Variants in CATSPERG observed in about 807,000 individuals in gnomAD.
CATSPERG encodes the protein cation channel sperm-associated auxiliary subunit gamma.
In CATSPERG, 115 loss-of-function variants were observed where a neutral mutation model predicts 145.0. That is an observed-to-expected ratio of 0.79 (90% CI 0.68 to 0.93). The LOEUF is 0.93. CATSPERG is among the 40% of genes least tolerant of loss of function. The pLI, the probability that CATSPERG is intolerant of heterozygous loss-of-function variation, is 0.00. For missense variants in CATSPERG, 1,296 were observed against 1,490.1 expected (o/e 0.87, Z 2.14); for synonymous variants, 588 against 589.0 (o/e 1.00, Z 0.02).
At chr19:38,356,927 C>T in intron 11 of CATSPERG, 66 bp downstream of exon 11, 2 of 1,587,256 alleles carry the variant, frequency 1.3e-6, no homozygotes, top group Non-Finnish European at 1.7e-6. Context: ...ACTGCATGCC[C>T]ATCCTGAGGG....
intron 7 of CATSPERG, among the ~76,000 whole-genome samples, chr19:38,351,345 A>T (rs1226929137): frequency 6.6e-6 from 1 of 152,176 alleles, no homozygotes; most frequent in African/African-American, 2.4e-5. Flanking sequence ...GCGGTGGCTT[A>T]CGCCTGTAAT....
intron 3 of CATSPERG, among the ~76,000 whole-genome samples, chr19:38,340,620 A>C (rs549369052): frequency 6.6e-6 from 1 of 150,500 alleles, no homozygotes; most frequent in East Asian, 2.0e-4. Flanking sequence ...GCGCCCGGCC[A>C]ATAATTTTAT....
intron 25 of CATSPERG, 87 bp downstream of exon 25, chr19:38,367,863 C>T: frequency 7.5e-7 from 1 of 1,324,734 alleles, no homozygotes; most frequent in Non-Finnish European, 1.1e-6. Context: ...CTCGCAAGCC[C>T]CCACCTCTGC....
intron 11 of CATSPERG, among the ~76,000 whole-genome samples, chr19:38,357,407 G>C (rs959046562): frequency 2.0e-5 from 3 of 149,296 alleles, no homozygotes; most frequent in African/African-American, 7.4e-5. Context: ...TGTAGTCCCA[G>C]CTACTTGGAA....
intron 25 of CATSPERG, 62 bp downstream of exon 25, chr19:38,367,838 C>G: frequency 6.8e-7 from 1 of 1,478,470 alleles, no homozygotes; most frequent in Non-Finnish European, 9.4e-7. Flanking sequence ...TTTCCCACTT[C>G]CAAGCCAAGC....
chr19:38,362,208 A>AGCCC lies in CATSPERG; in HGVS notation c.2096_2097insCGCC. The AGCCC allele has an allele frequency of 6.3e-7, 1 of 1,591,106 alleles. No individual in the cohort carries two copies. Among genetic ancestry groups the AGCCC allele is most frequent in the Non-Finnish European group, 8.6e-7 (1 of 1,168,808 alleles). Reference sequence around the variant, plus strand: ...CTTCACGGTGCCGGGCGATCCCTGCAGCCGTACGCGGACCCGGTGCACGAC... The same window carrying AGCCC: ...CTTCACGGTGCCGGGCGATCCCTGCAGCCCGCCGTACGCGGACCCGGTGCACGAC... On this transcript the variant is annotated splice_acceptor_variant, in intron 17 of 28. Coordinates refer to ENST00000409235, the MANE Select transcript of CATSPERG (RefSeq NM_021185.5). LOFTEE classifies it high-confidence loss of function.
rs773436158 is a variant in CATSPERG at position 38,370,182 on chromosome 19, G to A, written c.3137G>A (p.Cys1046Tyr). The A allele has an allele frequency of 1.1e-5, 18 of 1,613,780 alleles. No homozygotes were observed. Among genetic ancestry groups the A allele is most frequent in the Non-Finnish European group, 1.4e-5 (17 of 1,180,042 alleles). The change falls in exon 28 of 29, where the codon TGC (cysteine) becomes TAC (tyrosine). Residue 1046 changes from cysteine to tyrosine, a missense_variant. By Grantham distance (194) the Cys-to-Tyr change is radical (BLOSUM62 -2). Transcript: ENST00000409235. ...SNRGVDTSTY[C>Y]NYQLTFLLHI... ...AGAGGAGTGGACACGAGCACCTACT[G>A]CAACTACCAGCTCACCTTCCTGCTG...
Position 38,346,442 on chromosome 19 carries a change from C to T in CATSPERG, c.670-8C>T, listed in dbSNP as rs1381025941. On this transcript the variant is annotated splice_region_variant and splice_polypyrimidine_tract_variant and intron_variant, in intron 6 of 28. Coordinates refer to ENST00000409235, the MANE Select transcript of CATSPERG (RefSeq NM_021185.5). ...AGTGTTGGCGTCCCTCCTGTCCCTC[C>T]TTGGCAGCTCTTCAACCTGATGCCC... 6 of 1,531,948 alleles carry T rather than the reference C, an allele frequency of 3.9e-6. No individual in the cohort carries two copies. Among genetic ancestry groups the T allele is most frequent in the Admixed American group, 2.0e-5 (1 of 50,324 alleles). The allele number at this position is 1,531,948 out of a possible 1,614,324, so 94.9% of individuals were successfully genotyped here.
intron 16 of CATSPERG, among the ~76,000 whole-genome samples, 174 bp from the exon 17 acceptor site, chr19:38,361,474 G>C (rs1183185144): frequency 1.3e-5 from 2 of 152,096 alleles, no homozygotes; most frequent in Non-Finnish European, 2.9e-5. Flanking sequence ...TCAAGGGAGG[G>C]ACGTCCGAGG....
At chr19:38,344,524 G>A (rs1307964939) in intron 6 of CATSPERG, 156 bp downstream of exon 6, 9 of 686,184 alleles carry the variant, frequency 1.3e-5, no homozygotes, top group Admixed American at 2.3e-5. Flanking sequence ...GACCTGTCGA[G>A]GGGACGTACT....
At chr19:38,359,152 T>C (rs1291337361) in intron 13 of CATSPERG, among the ~76,000 whole-genome samples, 2 of 151,868 alleles carry the variant, frequency 1.3e-5, no homozygotes, top group Admixed American at 6.6e-5. Flanking sequence ...GCCCGGCTAA[T>C]TGACAAACAT....
intron 7 of CATSPERG, among the ~76,000 whole-genome samples, chr19:38,351,989 C>T (rs750141163): frequency 6.6e-6 from 1 of 152,166 alleles, no homozygotes; most frequent in South Asian, 2.1e-4. Context: ...GCACAAGGAC[C>T]GCTAAGGACC....
At chr19:38,343,852 A>G (rs1969979176) in intron 4 of CATSPERG, 128 bp downstream of exon 4, 1 of 1,388,796 alleles carries the variant, frequency 7.2e-7, no homozygotes, top group Non-Finnish European at 9.7e-7. Flanking sequence ...CATGGCCTAG[A>G]GGGGCCACAC....
chr19:38,356,633 G>A, intron 10 of CATSPERG, 90 bp downstream of exon 10: 1 of 1,590,428 alleles, frequency 6.3e-7, no homozygotes, highest in East Asian at 2.2e-5. Flanking sequence ...TCATGGGAAA[G>A]AATGGGCAGT....
Position 38,346,502 on chromosome 19 carries a change from G to C in CATSPERG, c.722G>C (p.Trp241Ser). The C allele has an allele frequency of 6.4e-7, 1 of 1,551,236 alleles. No homozygotes were observed. The highest frequency in any genetic ancestry group is 8.7e-7 in the Non-Finnish European group (1 of 1,146,598). ...GTGGGTGTCTCATCGAGGCCCTTGTGGCACACTGTGGACCAGTCACCTGTG... is the reference window on the plus strand; with the variant it reads ...GTGGGTGTCTCATCGAGGCCCTTGTCGCACACTGTGGACCAGTCACCTGTG... Reference protein sequence around the residue: ...YFVGVSSRPLWHTVDQSPVLI... With the variant: ...YFVGVSSRPLSHTVDQSPVLI... Residue 241 changes from tryptophan (W) to serine (S), a missense_variant, in exon 7 of 29, where the codon TGG (tryptophan) becomes TCG (serine). By Grantham distance (177) the Trp-to-Ser change is radical. Coordinates refer to ENST00000409235, the MANE Select transcript of CATSPERG (RefSeq NM_021185.5).
intron 20 of CATSPERG, among the ~76,000 whole-genome samples, 185 bp from the exon 21 acceptor site, chr19:38,364,706 G>C (rs11668651): frequency 6.6e-6 from 1 of 152,190 alleles, no homozygotes; most frequent in Non-Finnish European, 1.5e-5. Flanking sequence ...GATCACTCGC[G>C]GTTAGGAGCT....
intron 14 of CATSPERG, chr19:38,359,957 C>T (rs1970315496): frequency 9.6e-6 from 10 of 1,039,524 alleles, no homozygotes; most frequent in Non-Finnish European, 1.2e-5. Context: ...CGTCTGGGGG[C>T]TTGTGCATGT....
At position 38,337,343 on chromosome 19, in the gene CATSPERG, G is replaced by A; in HGVS notation, c.109G>A (p.Ala37Thr). The change falls in exon 2 of 29, where the codon GCG becomes ACG. Residue 37 changes from alanine (A) to threonine (T), a missense_variant. Physicochemically the swap from Ala to Thr is moderately conservative, Grantham distance 58. Coordinates refer to ENST00000409235, the MANE Select transcript of CATSPERG (RefSeq NM_021185.5). ...GCTCCTGGCGTCGTGGAGGCTGTGG[G>A]CGATCAAGGATTTCCAGGAATGCAC... ...AVLLASWRLWAIKDFQECTWQ... is the reference protein window; with the variant it reads ...AVLLASWRLWTIKDFQECTWQ... The A allele has an allele frequency of 6.4e-7, 1 of 1,551,600 alleles. No homozygotes were observed. The highest frequency in any genetic ancestry group is 8.7e-7 in the Non-Finnish European group (1 of 1,146,998).
chr19:38,359,653 G>C, intron 14 of CATSPERG, 72 bp downstream of exon 14: 1 of 1,483,514 alleles, frequency 6.7e-7, no homozygotes, highest in Non-Finnish European at 9.0e-7. Flanking sequence ...TCTTTCCCCC[G>C]TCACAGTAAA....
Sources: gnomAD v4.1 joint callset for allele counts (sites outside exome capture counted in the v4.1 genomes callset) on GRCh38, gnomAD v4.1.1 for gene constraint, MANE v1.5 for transcripts, NCBI Gene and HGNC (gene_info 2026-07-23, HGNC 2026-07-21) for gene names.